The following CCDC15 variants were observed in gnomAD, a reference collection of about 807,000 sequenced individuals.
The protein encoded by CCDC15 is coiled-coil domain containing 15.
CCDC15 carries 105 observed loss-of-function variants against 114.5 expected under a neutral mutation model. The ratio of observed to expected loss-of-function variants is 0.92; its 90% CI spans 0.78 to 1.08. The LOEUF (loss-of-function observed/expected upper bound fraction) is 1.08. Among genes scored for constraint, CCDC15 ranks in the 50% least tolerant of loss-of-function variants. CCDC15 has a pLI of 0.00. For missense variants in CCDC15, 1,105 were observed against 1,093.6 expected (o/e 1.01, Z -0.15); for synonymous variants, 334 against 377.8 (o/e 0.88, Z 1.34).
chr11:124,974,751 T>C (rs1947945649), intron 4 of CCDC15, among the ~76,000 whole-genome samples: 1 of 152,188 alleles, frequency 6.6e-6, no homozygotes, highest in Non-Finnish European at 1.5e-5. Flanking sequence ...CAAAGGTGGA[T>C]AGAAGGTAAG....
chr11:125,028,122 A>G (rs2135539761), intron 13 of CCDC15, among the ~76,000 whole-genome samples: 1 of 152,248 alleles, frequency 6.6e-6, no homozygotes, highest in South Asian at 2.1e-4. Flanking sequence ...TACTACGGGC[A>G]CTAAGTATGT....
chr11:125,018,210 T>C (rs1948640744), intron 13 of CCDC15, among the ~76,000 whole-genome samples: 1 of 152,104 alleles, frequency 6.6e-6, no homozygotes, highest in South Asian at 2.1e-4. Flanking sequence ...ATAATGTTTT[T>C]ATCTTTTATA....
At chr11:125,035,602 T>G (rs1948770021) in intron 13 of CCDC15, among the ~76,000 whole-genome samples, 2 of 152,090 alleles carry the variant, frequency 1.3e-5, no homozygotes, top group Admixed American at 6.6e-5. Flanking sequence ...AGTAAGGACT[T>G]ACTTCTGCCA....
intron 13 of CCDC15, among the ~76,000 whole-genome samples, chr11:125,020,531 G>C (rs534106555): frequency 6.6e-6 from 1 of 151,958 alleles, no homozygotes; most frequent in South Asian, 2.1e-4. Context: ...TTTTAGTTGT[G>C]CAAACACCCA....
chr11:124,960,009 T>C lies in CCDC15; in HGVS notation c.516+6T>C, dbSNP rs1450486746. The stretch of plus-strand genomic sequence containing the variant: ...TCCAACAACAAGCCCAGGCTGTAAG[T>C]ACCTGTTCTTTTTATTTTATGTCTA... On this transcript the variant is annotated splice_donor_region_variant and intron_variant, in intron 4 of 15. Coordinates refer to ENST00000344762, the MANE Select transcript of CCDC15 (RefSeq NM_025004.3). 1.3e-6 allele frequency: 2 copies of C among 1,539,012 alleles called. No individual in the cohort carries two copies. Among genetic ancestry groups the C allele is most frequent in the Admixed American group, 2.1e-5 (1 of 47,716 alleles).
intron 13 of CCDC15, among the ~76,000 whole-genome samples, chr11:125,007,672 TTTCTGTA>T (rs1418346221): frequency 1.3e-5 from 2 of 152,182 alleles, no homozygotes; most frequent in African/African-American, 4.8e-5. Flanking sequence ...TTTTCCATAA[TTTCTGTA>T]TTAATTTACA....
In CCDC15 at chr11:124,987,107, G is replaced by A. The variant is rs1444973885; in HGVS notation, c.901-20G>A. ...GCTACTAACTCACATTCTGTATTTG[G>A]TGTTTATGTTCACTTTTAGAAAGTA... On this transcript the variant is annotated intron_variant, in intron 7 of 15. Transcript: ENST00000344762. The A allele has an allele frequency of 2.7e-6, 4 of 1,485,246 alleles. No individual in the cohort carries two copies. The highest frequency in any genetic ancestry group is 3.6e-6 in the Non-Finnish European group (4 of 1,118,274). The allele number at this position is 1,485,246 out of a possible 1,614,324, so 92.0% of individuals were successfully genotyped here.
intron 4 of CCDC15, among the ~76,000 whole-genome samples, chr11:124,967,158 AT>A (rs1947798410): frequency 6.6e-6 from 1 of 151,972 alleles, no homozygotes; most frequent in Non-Finnish European, 1.5e-5. Flanking sequence ...TGTTTTCTGT[AT>A]TTCCTGAATT....
At chr11:124,981,127 T>C (rs115016782) in intron 6 of CCDC15, among the ~76,000 whole-genome samples, 3 of 152,164 alleles carry the variant, frequency 2.0e-5, no homozygotes, top group African/African-American at 7.2e-5. Context: ...TCCGAAAGCA[T>C]GGTTGGTTTG....
intron 4 of CCDC15, among the ~76,000 whole-genome samples, chr11:124,968,621 C>T (rs531862625): frequency 2.6e-5 from 4 of 152,212 alleles, no homozygotes; most frequent in Non-Finnish European, 4.4e-5. Flanking sequence ...CTGGGTGAGG[C>T]GATGCCCCAC....
In CCDC15 at chr11:125,025,391, T is replaced by C. The variant is rs553389129; in HGVS notation, c.2412-13040T>C. ...TTTATCTAAAAAGATATTTGTCTAATATATTTGTTAAGTTTTCATTTAAGG... is the reference window on the plus strand; with the variant it reads ...TTTATCTAAAAAGATATTTGTCTAACATATTTGTTAAGTTTTCATTTAAGG... On this transcript the variant is annotated intron_variant, in intron 13 of 15. Transcript: ENST00000344762. 3.2e-3 allele frequency among the ~76,000 whole-genome samples: 492 copies of C among 151,892 alleles called. 4 individuals carry two copies. The highest frequency in any genetic ancestry group is 6.2e-3 in the Non-Finnish European group (420 of 67,856).
chr11:125,010,415 T>C (rs1300277943), intron 13 of CCDC15, among the ~76,000 whole-genome samples: 2 of 151,804 alleles, frequency 1.3e-5, no homozygotes, highest in African/African-American at 4.8e-5. Context: ...TCTCACTCTG[T>C]CCAGTGGCAC....
Position 125,040,847 on chromosome 11 carries a change from T to C in CCDC15, c.*136T>C. 1 of 777,408 alleles carries C rather than the reference T, an allele frequency of 1.3e-6. No individual in the cohort carries two copies. The highest frequency in any genetic ancestry group is 2.9e-5 in the Admixed American group (1 of 34,424). The allele number at this position is 777,408 out of a possible 1,614,324, so 48.2% of individuals were successfully genotyped here. A position where few individuals can be genotyped will look rare whatever the true frequency, so the allele number is the denominator to read the frequency against. On this transcript the variant is annotated 3_prime_UTR_variant, in exon 16 of 16. Transcript: ENST00000344762. ...ACTGTCTCATATAATAATTAGATTG[T>C]AATCATTGTTTTAATCTCTGTCTGG...
At chr11:125,025,896 T>C (rs1467935451) in intron 13 of CCDC15, among the ~76,000 whole-genome samples, 1 of 152,156 alleles carries the variant, frequency 6.6e-6, no homozygotes, top group Non-Finnish European at 1.5e-5. Context: ...CTCAAAGAAC[T>C]AGCTTATAAT....
chr11:125,007,194 G>A (rs1948559026), intron 13 of CCDC15, among the ~76,000 whole-genome samples: 1 of 152,158 alleles, frequency 6.6e-6, no homozygotes, highest in South Asian at 2.1e-4. Context: ...TATTCTATCT[G>A]TCTAACTGTA....
chr11:125,004,708 AG>A (rs1591605294), intron 12 of CCDC15, among the ~76,000 whole-genome samples: 1 of 152,140 alleles, frequency 6.6e-6, no homozygotes, highest in East Asian at 1.9e-4. Context: ...ATGTTAGGCT[AG>A]GCTTAGAGTA....
chr11:124,980,207 C>T (rs1256659604), intron 6 of CCDC15, among the ~76,000 whole-genome samples: 2 of 152,126 alleles, frequency 1.3e-5, no homozygotes, highest in Non-Finnish European at 1.5e-5. Flanking sequence ...CTATGTTTAT[C>T]AAGAATATTG....
At chr11:125,000,429 T>C (rs978422740) in intron 11 of CCDC15, among the ~76,000 whole-genome samples, 2 of 152,158 alleles carry the variant, frequency 1.3e-5, no homozygotes, top group Non-Finnish European at 2.9e-5. Flanking sequence ...AGGGGTCCAC[T>C]TTCTAGCTCA....
At chr11:125,004,391 C>T (rs1305814425) in intron 12 of CCDC15, among the ~76,000 whole-genome samples, 4 of 151,844 alleles carry the variant, frequency 2.6e-5, no homozygotes, top group Non-Finnish European at 4.4e-5. Context: ...AAATCAGTAT[C>T]TGAAAACGGA....
Sources: allele counts gnomAD v4.1 joint callset (sites outside exome capture counted in the v4.1 genomes callset), GRCh38; gene constraint gnomAD v4.1.1; transcripts MANE v1.5; gene names NCBI Gene and HGNC (gene_info 2026-07-23, HGNC 2026-07-21).